Variants in PPP2R2B observed in about 807,000 individuals in gnomAD.
The protein encoded by PPP2R2B is serine/threonine-protein phosphatase 2A 55 kDa regulatory subunit B beta isoform.
A neutral mutation model predicts 46.0 loss-of-function variants in PPP2R2B; 5 were observed. The ratio of observed to expected loss-of-function variants is 0.11; its 90% CI spans 0.06 to 0.23. The LOEUF is 0.23. Ranked by LOEUF, PPP2R2B falls within the 10% of genes least tolerant of loss-of-function variation. The pLI, the probability that PPP2R2B is intolerant of heterozygous loss-of-function variation, is 1.00. For missense variants in PPP2R2B, 367 were observed against 575.0 expected (o/e 0.64, Z 3.70); for synonymous variants, 215 against 206.7 (o/e 1.04, Z -0.34).
chr5:146,856,926 G>A (rs1021579965), intron 2 of PPP2R2B, among the ~76,000 whole-genome samples: 1 of 152,176 alleles, frequency 6.6e-6, no homozygotes, highest in African/African-American at 2.4e-5. Context: ...CCTATTCTAA[G>A]CTTGAGGGGG....
At chr5:146,876,933 G>T (rs1051312860) in intron 2 of PPP2R2B, among the ~76,000 whole-genome samples, 2 of 152,202 alleles carry the variant, frequency 1.3e-5, no homozygotes, top group African/African-American at 4.8e-5. Context: ...CTTTTGATTT[G>T]ATTAAATATT....
intron 1 of PPP2R2B, among the ~76,000 whole-genome samples, chr5:146,990,736 A>T (rs1753661760): frequency 6.6e-6 from 1 of 152,064 alleles, no homozygotes; most frequent in African/African-American, 2.4e-5. Context: ...AAACTAAAAA[A>T]CTTCTTTACA....
intron 1 of PPP2R2B, among the ~76,000 whole-genome samples, chr5:146,911,326 C>T (rs761383984): frequency 6.6e-6 from 1 of 152,184 alleles, no homozygotes; most frequent in Non-Finnish European, 1.5e-5. Context: ...TTGTGATCCT[C>T]CCACCTCAGC....
chr5:146,590,914 G>A (rs375346207), intron 9 of PPP2R2B, among the ~76,000 whole-genome samples: 1 of 150,484 alleles, frequency 6.6e-6, no homozygotes, highest in Admixed American at 6.6e-5. Flanking sequence ...ATTTTATATG[G>A]TTTTTTTCCC....
chr5:146,853,175 AC>A (rs913753407), intron 2 of PPP2R2B, among the ~76,000 whole-genome samples: 3 of 152,152 alleles, frequency 2.0e-5, no homozygotes, highest in Non-Finnish European at 4.4e-5. Context: ...ACTTTTGACT[AC>A]TAATGTGTTG....
At chr5:147,078,245 G>A (rs191590424) in intron 2 of PPP2R2B, among the ~76,000 whole-genome samples, 84 of 152,226 alleles carry the variant, frequency 5.5e-4, no homozygotes, top group Middle Eastern at 3.4e-3. Context: ...ACAAAGTATT[G>A]AGCACTGACG....
intron 1 of PPP2R2B, among the ~76,000 whole-genome samples, chr5:147,018,039 GCGCGCACACACACACACACACACACACA>G (rs1755092361): frequency 1.5e-5 from 1 of 64,894 alleles, no homozygotes; most frequent in Non-Finnish European, 4.0e-5. Context: ...ACATGCATGC[GCGCGCACACACACACACACACACACACA>G]CACACACACA....
At position 146,600,394 on chromosome 5, in the gene PPP2R2B, T is replaced by A. The variant is rs1224661147; in HGVS notation, c.857A>T (p.Asp286Val). Residue 286 changes from aspartate to valine, a missense_variant, in exon 8 of 10, where the codon GAT (aspartate) becomes GTT (valine). Asp to Val is a radical substitution (Grantham distance 152, BLOSUM62 -3). Around this residue, in one of 2 missense-constraint regions of PPP2R2B, gnomAD observed 361 missense variants for 545.5 expected, o/e 0.66. Coordinates refer to ENST00000394411, the MANE Select transcript of PPP2R2B (RefSeq NM_181675.4). ...CCTCCCACTGTGGCTGAACTTCACA[T>A]CCGAAATCGAAGAGATAATTTCAGA... Reference protein sequence around the residue: ...FFSEIISSISDVKFSHSGRYI... With the variant: ...FFSEIISSISVVKFSHSGRYI... 2.5e-6 allele frequency: 4 copies of A among 1,613,862 alleles called. No individual in the cohort carries two copies. Among genetic ancestry groups the A allele is most frequent in the Non-Finnish European group, 3.4e-6 (4 of 1,179,920 alleles).
At chr5:146,632,134 A>G (rs1395205408) in intron 7 of PPP2R2B, among the ~76,000 whole-genome samples, 1 of 140,076 alleles carries the variant, frequency 7.1e-6, no homozygotes, top group Non-Finnish European at 1.5e-5. Flanking sequence ...ATTTGGAGAT[A>G]GAGCCTTTCA....
chr5:146,670,966 C>T (rs1248411905), intron 5 of PPP2R2B, among the ~76,000 whole-genome samples: 1 of 151,992 alleles, frequency 6.6e-6, no homozygotes, highest in Non-Finnish European at 1.5e-5. Flanking sequence ...CAGATAGAGT[C>T]ATCTGAAAAG....
intron 5 of PPP2R2B, among the ~76,000 whole-genome samples, chr5:146,665,045 A>T (rs1299023392): frequency 6.6e-6 from 1 of 152,212 alleles, no homozygotes; most frequent in East Asian, 1.9e-4. Context: ...TTTAGAGCAC[A>T]GGCAGAATAG....
upstream of PPP2R2B, chr5:146,879,127 C>G (rs1044525176): frequency 3.4e-5 from 6 of 177,246 alleles, no homozygotes; most frequent in Middle Eastern, 2.8e-3. Context: ...GTCCCTTTTC[C>G]TCACCCTTAT....
At chr5:146,733,528 A>G (rs760542475) in intron 2 of PPP2R2B, among the ~76,000 whole-genome samples, 5 of 152,358 alleles carry the variant, frequency 3.3e-5, no homozygotes, top group South Asian at 4.1e-4. Flanking sequence ...AACTAATACA[A>G]GTAGACTTGC....
At chr5:146,764,224 A>C (rs1235834078) in intron 2 of PPP2R2B, among the ~76,000 whole-genome samples, 1 of 151,980 alleles carries the variant, frequency 6.6e-6, no homozygotes, top group Non-Finnish European at 1.5e-5. Flanking sequence ...CTGAGTCTGG[A>C]GGGGGGTGGG....
At chr5:147,054,749 C>T (rs1756993163) in intron 1 of PPP2R2B, 1 of 455,214 alleles carries the variant, frequency 2.2e-6, no homozygotes, top group Non-Finnish European at 4.4e-6. Flanking sequence ...GTTGGAGTCA[C>T]AACACCTCAG....
intron 1 of PPP2R2B, among the ~76,000 whole-genome samples, chr5:146,907,713 G>A (rs776733891): frequency 6.6e-6 from 1 of 152,180 alleles, no homozygotes; most frequent in East Asian, 1.9e-4. Flanking sequence ...CTAAGTTTTT[G>A]TCTTTTCCCA....
chr5:146,959,207 T>C (rs1752062043), intron 1 of PPP2R2B, among the ~76,000 whole-genome samples: 1 of 152,160 alleles, frequency 6.6e-6, no homozygotes, highest in Admixed American at 6.6e-5. Context: ...AAATAGAATT[T>C]TATAGTAAAT....
chr5:146,744,450 T>TGA (rs1753055685), intron 2 of PPP2R2B, among the ~76,000 whole-genome samples: 1 of 152,168 alleles, frequency 6.6e-6, no homozygotes, highest in Non-Finnish European at 1.5e-5. Context: ...TTCTCTTTCC[T>TGA]CCTCCAGTGA....
intron 1 of PPP2R2B, chr5:147,054,496 C>CTAT (rs2151904633): frequency 2.6e-6 from 1 of 385,464 alleles, no homozygotes; most frequent in South Asian, 1.9e-5. Flanking sequence ...AAAAAAAAGT[C>CTAT]CATGAGATAT....
Sources: gnomAD v4.1 joint callset for allele counts (sites outside exome capture counted in the v4.1 genomes callset) on GRCh38, gnomAD v4.1.1 for gene constraint, gnomAD v4.1.1 regional missense constraint, MANE v1.5 for transcripts, NCBI Gene and HGNC (gene_info 2026-07-23, HGNC 2026-07-21) for gene names.